Variants in PIAS3 observed in about 807,000 individuals in gnomAD.
PIAS3 encodes the protein protein inhibitor of activated STAT 3.
Under a neutral mutation model 67.6 loss-of-function variants are expected in PIAS3, and 34 were observed. The ratio of observed to expected loss-of-function variants is 0.50; its 90% CI spans 0.38 to 0.67. The LOEUF is 0.67. PIAS3 is among the 30% of genes least tolerant of loss of function. The pLI is 0.00. For missense variants in PIAS3, 693 were observed against 791.6 expected (o/e 0.88, Z 1.49); for synonymous variants, 341 against 313.8 (o/e 1.09, Z -0.92).
chr1:145,854,770 G>T lies in PIAS3; in HGVS notation c.780C>A (p.Val260=). 1 of 1,614,168 alleles carries T rather than the reference G, an allele frequency of 6.2e-7. No homozygotes were observed. Among genetic ancestry groups the T allele is most frequent in the South Asian group, 1.1e-5 (1 of 91,064 alleles). Residue 260 remains valine (V), a synonymous_variant, in exon 6 of 14, where the codon GTC becomes GTA. Transcript: ENST00000393045. ...LSATVPNTIV[V]NWSSEFGRNY... is the part of the protein sequence containing the mutation. ...CCCGTCCGAACTCAGATGACCAATT[G>T]ACCACAATGGTGTTGGGAACAGTGG... is the stretch of plus-strand genomic sequence containing the variant.
At chr1:145,854,599 C>T (rs1553735124) in intron 6 of PIAS3, 36 bp from the exon 7 acceptor site, 8 of 1,574,432 alleles carry the variant, frequency 5.1e-6, no homozygotes, top group Non-Finnish European at 7.0e-6. Flanking sequence ...TTAGCCTCTG[C>T]TTCTCATACC....
intron 3 of PIAS3, 88 bp downstream of exon 3, chr1:145,856,259 G>A (rs1476003315): frequency 2.4e-6 from 3 of 1,248,464 alleles, no homozygotes; most frequent in African/African-American, 1.5e-5. Flanking sequence ...AGGTATAGGA[G>A]GAGGGATAGG....
intron 1 of PIAS3, 23 bp from the exon 2 acceptor site, chr1:145,857,029 T>A (rs782776730): frequency 1.1e-5 from 17 of 1,608,382 alleles, no homozygotes; most frequent in Non-Finnish European, 1.3e-5. Context: ...ACAGAGAAGC[T>A]TGAGCATCCT....
chr1:145,849,227 T>C lies in PIAS3; in HGVS notation c.*219A>G. ...GGAATGTGCCACCATCTAAAGAACA[T>C]TTCCAGAAACAGACCCCAGTGTCCT... On this transcript the variant is annotated 3_prime_UTR_variant, in exon 14 of 14. Transcript: ENST00000393045. 2.5e-6 allele frequency: 1 copy of C among 397,892 alleles called. No homozygotes were observed. Among genetic ancestry groups the C allele is most frequent in the Non-Finnish European group, 4.4e-6 (1 of 228,220 alleles). 24.6% of individuals were successfully genotyped at this position (397,892 alleles called of 1,614,324 possible).
Position 145,854,898 on chromosome 1 carries a change from TGGTCAGTGGAGAA to T in PIAS3, c.670-31_670-19del. On this transcript the variant is annotated intron_variant, in intron 5 of 13. Transcript: ENST00000393045. ...AGGTAACCCTGGAGAAGGGAGGGATTGGTCAGTGGAGAAGTGGCTCTGGGAAGGGGCTCTGCTC... is the reference window on the plus strand; with the variant it reads ...AGGTAACCCTGGAGAAGGGAGGGATTGTGGCTCTGGGAAGGGGCTCTGCTC... 6.2e-7 allele frequency: 1 copy of T among 1,613,850 alleles called. No homozygotes were observed. Among genetic ancestry groups the T allele is most frequent in the Non-Finnish European group, 8.5e-7 (1 of 1,179,818 alleles).
rs369370487 is a variant in PIAS3, at chr1:145,854,768, T to C, written c.782A>G (p.Asn261Ser). 3.0e-5 allele frequency: 48 copies of C among 1,614,094 alleles called. No homozygotes were observed. The highest frequency in any genetic ancestry group is 6.7e-5 in the East Asian group (3 of 44,898). The change falls in exon 6 of 14, where the codon AAT becomes AGT. Residue 261 changes from asparagine (N) to serine (S), a missense_variant. Physicochemically the swap from Asn to Ser is conservative, Grantham distance 46 (BLOSUM62 1). Transcript: ENST00000393045. ...CACCCGTCCGAACTCAGATGACCAA[T>C]TGACCACAATGGTGTTGGGAACAGT... The part of the protein sequence containing the change: ...SATVPNTIVV[N>S]WSSEFGRNYS...
At chr1:145,855,398 C>G (rs1368921930) in intron 5 of PIAS3, among the ~76,000 whole-genome samples, 1 of 151,822 alleles carries the variant, frequency 6.6e-6, no homozygotes, top group African/African-American at 2.4e-5. Context: ...AAGAGAATTG[C>G]TTGAACTAGG....
chr1:145,853,903 G>C lies in PIAS3; in HGVS notation c.911-17C>G, dbSNP rs781785882. The C allele has an allele frequency of 2.5e-6, 4 of 1,612,150 alleles. No individual in the cohort carries two copies. The African/African-American group carries it at 4.0e-5, about 16-fold the overall frequency. ...TCTCCTTGACTGAAACAAAAGTGAG[G>C]CCAGAGCCATGGGGTCAGCAAGGCT... On this transcript the variant is annotated splice_polypyrimidine_tract_variant and intron_variant, in intron 7 of 13. Transcript: ENST00000393045.
rs782676215 is a variant in PIAS3 at position 145,854,479 on chromosome 1, G to C, written c.889C>G (p.Pro297Ala). Residue 297 changes from proline (P) to alanine (A), a missense_variant, in exon 7 of 14, where the codon CCA becomes GCA. Coordinates refer to ENST00000393045, the MANE Select transcript of PIAS3 (RefSeq NM_006099.3). ...TCACTCAGTGCCCGCGAGTGGTCTG[G>C]GTTCCGGATACCCTTTGCTCTGAGT... ...QKLRAKGIRN[P>A]DHSRALIKEK... 1 of 1,613,648 alleles carries C rather than the reference G, an allele frequency of 6.2e-7. No individual in the cohort carries two copies. The highest frequency in any genetic ancestry group is 8.5e-7 in the Non-Finnish European group (1 of 1,179,540).
rs587593933 is a variant in PIAS3, at chr1:145,853,618, G to A, written c.1031C>T (p.Ala344Val). The A allele has an allele frequency of 2.5e-6, 4 of 1,613,986 alleles. No homozygotes were observed. The South Asian group carries it at 3.3e-5, about 13-fold the overall frequency. ...LTVPCRALTC[A>V]HLQSFDAALY... ...GGCAGCATCGAAGCTCTGCAGGTGG[G>A]CGCAGGTGAGGGCACGACAAGGGAC... Residue 344 changes from alanine (A) to valine (V), a missense_variant, in exon 9 of 14, where the codon GCC becomes GTC. By Grantham distance (64) the Ala-to-Val change is moderately conservative (BLOSUM62 0). This residue lies in a region of PIAS3 where 115 missense variants were observed against 181.8 expected (regional missense o/e 0.63). Transcript: ENST00000393045.
At chr1:145,849,749 C>A (rs782101950) in intron 13 of PIAS3, 37 bp from the exon 14 acceptor site, 2 of 1,525,408 alleles carry the variant, frequency 1.3e-6, no homozygotes, top group Non-Finnish European at 1.8e-6. Context: ...AGATCTCAAT[C>A]CCGACTTCCC....
intron 7 of PIAS3, 123 bp from the exon 8 acceptor site, chr1:145,854,009 A>G: frequency 1.4e-6 from 1 of 739,370 alleles, no homozygotes. Flanking sequence ...TTTGGGGGCC[A>G]GTGGGACGTC....
rs587708144 is a variant in PIAS3, at chr1:145,858,386, G to A, written c.24+581C>T. Among the ~76,000 whole-genome samples the A allele has an allele frequency of 1.4e-3, 216 of 152,170 alleles. 1 individual carries two copies. The highest frequency in any genetic ancestry group is 4.8e-3 in the African/African-American group (200 of 41,502). On this transcript the variant is annotated intron_variant, in intron 1 of 13. Transcript: ENST00000393045. The stretch of plus-strand genomic sequence containing the variant: ...CCAAACACCGCGATTCACTACGGCA[G>A]GACCTTCCTCTGAGCCTCCAGGATG...
At chr1:145,853,361 G>A (rs1653034069) in intron 9 of PIAS3, 143 bp downstream of exon 9, 1 of 592,304 alleles carries the variant, frequency 1.7e-6, no homozygotes, top group South Asian at 2.7e-5. Flanking sequence ...AGTGAGCCAA[G>A]ATTGTGCCAC....
Position 145,854,805 on chromosome 1 carries a change from G to T in PIAS3, c.745C>A (p.Arg249=). ...GTGTTGGGAACAGTGGCTGAGAGTC[G>T]AGCCAGGGGTGTGATGTTGATGGGG... ...SRPINITPLA[R]LSATVPNTIV... is the part of the protein sequence containing the mutation. The change falls in exon 6 of 14, where the codon CGA becomes AGA. Residue 249 remains arginine, a synonymous_variant. Coordinates refer to ENST00000393045, the MANE Select transcript of PIAS3 (RefSeq NM_006099.3). 1 of 1,614,152 alleles carries T rather than the reference G, an allele frequency of 6.2e-7. No individual in the cohort carries two copies. Among genetic ancestry groups the T allele is most frequent in the Non-Finnish European group, 8.5e-7 (1 of 1,180,000 alleles).
intron 3 of PIAS3, 79 bp from the exon 4 acceptor site, chr1:145,856,197 G>A (rs1653172158): frequency 7.4e-7 from 1 of 1,353,522 alleles, no homozygotes; most frequent in African/African-American, 1.4e-5. Context: ...AAGGCTGAAA[G>A]TCAGATGTCC....
In PIAS3 at chr1:145,850,588, T is replaced by G; in HGVS notation, c.1449-2A>C. The G allele has an allele frequency of 6.2e-7, 1 of 1,613,816 alleles. No homozygotes were observed. Among genetic ancestry groups the G allele is most frequent in the Non-Finnish European group, 8.5e-7 (1 of 1,179,720 alleles). On this transcript the variant is annotated splice_acceptor_variant, in intron 11 of 13. Transcript: ENST00000393045. LOFTEE classifies it high-confidence loss of function. ...GGCTGGTGGCCAGATGTCAGGACTC[T>G]GTGGGTAGAGAGGAGCTGAGGCAGC...
At chr1:145,858,840 C>T (rs1254110947) in intron 1 of PIAS3, 127 bp downstream of exon 1, 80 of 848,624 alleles carry the variant, frequency 9.4e-5, no homozygotes, top group Non-Finnish European at 1.3e-4. Context: ...CTCTCCCATC[C>T]TCAGCAGCTC....
intron 13 of PIAS3, 56 bp downstream of exon 13, chr1:145,850,176 G>C: frequency 1.2e-6 from 2 of 1,612,490 alleles, no homozygotes; most frequent in South Asian, 1.1e-5. Flanking sequence ...GGCCCCATCA[G>C]TGTCTAGAAA....
Sources: gnomAD v4.1 joint callset for allele counts (sites outside exome capture counted in the v4.1 genomes callset) on GRCh38, gnomAD v4.1.1 for gene constraint, gnomAD v4.1.1 regional missense constraint, MANE v1.5 for transcripts, NCBI Gene and HGNC (gene_info 2026-07-23, HGNC 2026-07-21) for gene names.